The following AMZ1 variants were observed in gnomAD, a reference collection of about 807,000 sequenced individuals.
The protein encoded by AMZ1 is archaelysin family metallopeptidase 1.
In AMZ1, 39 loss-of-function variants were observed where a neutral mutation model predicts 29.9. The ratio of observed to expected loss-of-function variants is 1.30; its 90% CI spans 1.01 to 1.70. The LOEUF (loss-of-function observed/expected upper bound fraction) is 1.70, where lower values mean the gene tolerates loss of function less well. AMZ1 is among the 40% of genes most tolerant of loss of function. AMZ1 has a pLI of 0.00. For synonymous variants in AMZ1, 458 were observed against 304.0 expected (o/e 1.51, Z -5.27); for missense variants, 1,041 against 680.6 (o/e 1.53, Z -5.89).
In AMZ1 at chr7:2,719,123, C is replaced by T. The variant is rs115587359; in HGVS notation, c.*6245C>T. On this transcript the variant is annotated 3_prime_UTR_variant, in exon 7 of 7. Coordinates refer to ENST00000683327, the MANE Select transcript of AMZ1 (RefSeq NM_001384743.1). ...TCTTGGGCGCCCCCTTGTGAGGGCTCGAGGCCTTTACTGGATGGGCAGGAT... is the reference window on the plus strand; with the variant it reads ...TCTTGGGCGCCCCCTTGTGAGGGCTTGAGGCCTTTACTGGATGGGCAGGAT... Among the ~76,000 whole-genome samples, 262 of 151,886 alleles carry T rather than the reference C, an allele frequency of 1.7e-3. 3 individuals carry two copies. The highest frequency in any genetic ancestry group is 4.5e-3 in the African/African-American group (188 of 41,396).
chr7:2,762,886 C>A, upstream of AMZ1: 1 of 1,438,244 alleles, frequency 7.0e-7, no homozygotes, highest in South Asian at 1.5e-5. Context: ...CTCGTGGAGC[C>A]ATTGGTGCTG....
rs1272998012 is a variant in AMZ1 at position 2,718,088 on chromosome 7, G to T, written c.*5210G>T. Among the ~76,000 whole-genome samples the T allele has an allele frequency of 1.3e-5, 2 of 152,196 alleles. No homozygotes were observed. Among genetic ancestry groups the T allele is most frequent in the African/African-American group, 4.8e-5 (2 of 41,434 alleles). On this transcript the variant is annotated 3_prime_UTR_variant, in exon 7 of 7. Transcript: ENST00000683327. ...CTGAGAGGGGCCCGAGCTCTCGCAA[G>T]ATTAACCAGAGACGACACCTACCAG... is the stretch of plus-strand genomic sequence containing the variant.
chr7:2,723,468 C>T (rs798544), downstream of AMZ1, among the ~76,000 whole-genome samples: 38,058 of 152,188 alleles, frequency 0.25, 5,251 homozygotes, highest in Non-Finnish European at 0.29. Context: ...TACTGACCTT[C>T]TTTGAGGAGC....
At chr7:2,699,908 C>T (rs979855927) in intron 1 of AMZ1, among the ~76,000 whole-genome samples, 1 of 152,170 alleles carries the variant, frequency 6.6e-6, no homozygotes, top group Non-Finnish European at 1.5e-5. Context: ...TGTGGGGGCC[C>T]ATGGACACAT....
chr7:2,753,870 C>T (rs558993776), intron 4 of AMZ1, among the ~76,000 whole-genome samples: 4 of 152,228 alleles, frequency 2.6e-5, no homozygotes, highest in African/African-American at 9.6e-5. Context: ...TAGGAACAAT[C>T]TGTTCCTTTT....
chr7:2,751,458 G>T (rs1011573133), intron 4 of AMZ1, among the ~76,000 whole-genome samples: 1 of 150,496 alleles, frequency 6.6e-6, no homozygotes, highest in Non-Finnish European at 1.5e-5. Flanking sequence ...CTGACCAAAG[G>T]TACCACCTCA....
At chr7:2,723,915 A>G (rs999844550), downstream of AMZ1, among the ~76,000 whole-genome samples, 2 of 152,088 alleles carry the variant, frequency 1.3e-5, no homozygotes, top group African/African-American at 4.8e-5. Context: ...ACTTCTGGCC[A>G]GATTTTTTTT....
intron 4 of AMZ1, among the ~76,000 whole-genome samples, chr7:2,756,326 T>C (rs1261792061): frequency 2.0e-5 from 3 of 152,196 alleles, no homozygotes; most frequent in Non-Finnish European, 4.4e-5. Flanking sequence ...TATATAAATC[T>C]AATTCAAACT....
chr7:2,712,913 G>A lies in AMZ1; in HGVS notation c.*35G>A. 4 of 1,507,140 alleles carry A rather than the reference G, an allele frequency of 2.7e-6. No homozygotes were observed. The highest frequency in any genetic ancestry group is 3.5e-6 in the Non-Finnish European group (4 of 1,128,060). The allele number at this position is 1,507,140 out of a possible 1,614,324, so 93.4% of individuals were successfully genotyped here. On this transcript the variant is annotated 3_prime_UTR_variant, in exon 7 of 7. Transcript: ENST00000683327. ...GGCTGCCCTACGTCTCCTTCCCTAA[G>A]GATGCTGGCCAGCACTGTCCAGTAG...
chr7:2,705,855 C>T (rs147179931), intron 3 of AMZ1, among the ~76,000 whole-genome samples: 5 of 152,342 alleles, frequency 3.3e-5, no homozygotes, highest in South Asian at 2.1e-4. Context: ...CCGGGGACCC[C>T]GTGCCTCTCA....
Position 2,709,652 on chromosome 7 carries a change from G to A in AMZ1, c.784G>A (p.Glu262Lys), listed in dbSNP as rs371888865. 50 of 1,608,856 alleles carry A rather than the reference G, an allele frequency of 3.1e-5. No individual in the cohort carries two copies. In the East Asian group the frequency reaches 5.4e-4, roughly 17 times the overall value. ...MVQCCKVTCHELCHLLGLGNC... is the reference protein window; with the variant it reads ...MVQCCKVTCHKLCHLLGLGNC... ...GCCTTCCCCCCAGGTCACGTGCCAC[G>A]AGCTCTGCCACCTTCTGGGCCTGGG... Residue 262 changes from glutamate to lysine, a missense_variant, in exon 6 of 7, where the codon GAG (glutamate) becomes AAG (lysine). By Grantham distance (56) the Glu-to-Lys change is moderately conservative. Transcript: ENST00000683327.
upstream of AMZ1, among the ~76,000 whole-genome samples, chr7:2,759,980 A>G (rs1791481103): frequency 6.6e-6 from 1 of 152,254 alleles, no homozygotes; most frequent in Non-Finnish European, 1.5e-5. Context: ...GCTTTGTCAC[A>G]TGACCACAAA....
In AMZ1 at chr7:2,708,626, G is replaced by GA; in HGVS notation, c.512dup (p.Asp171GlufsTer12). On this transcript the variant is annotated frameshift_variant, in exon 4 of 7. Coordinates refer to ENST00000683327, the MANE Select transcript of AMZ1 (RefSeq NM_001384743.1). LOFTEE classifies it high-confidence loss of function. Reference sequence around the variant, plus strand: ...CTTCTTGAAGAACAACAAGCCAGGGGACGCGCTGTGTGTGCTGGGCCTCAC... The same window carrying GA: ...CTTCTTGAAGAACAACAAGCCAGGGGAACGCGCTGTGTGTGCTGGGCCTCAC... 6.2e-7 allele frequency: 1 copy of GA among 1,613,094 alleles called. No individual in the cohort carries two copies. Among genetic ancestry groups the GA allele is most frequent in the Non-Finnish European group, 8.5e-7 (1 of 1,179,990 alleles).
At chr7:2,753,556 G>A (rs1791139957) in intron 4 of AMZ1, among the ~76,000 whole-genome samples, 1 of 152,168 alleles carries the variant, frequency 6.6e-6, no homozygotes, top group Non-Finnish European at 1.5e-5. Flanking sequence ...TCCATGGTCT[G>A]AACGTGCCGC....
At chr7:2,752,311 A>G (rs1288761100) in intron 4 of AMZ1, among the ~76,000 whole-genome samples, 1 of 152,228 alleles carries the variant, frequency 6.6e-6, no homozygotes, top group East Asian at 1.9e-4. Context: ...AAGGGCATCT[A>G]TGAAAACCAT....
chr7:2,742,208 G>C (rs887861628), intron 4 of AMZ1, among the ~76,000 whole-genome samples: 4 of 151,826 alleles, frequency 2.6e-5, no homozygotes, highest in African/African-American at 9.7e-5. Context: ...TTTTACTACA[G>C]ACAGGGTTTT....
chr7:2,702,852 G>T lies in AMZ1; in HGVS notation c.435G>T (p.Arg145=). 1 of 1,584,884 alleles carries T rather than the reference G, an allele frequency of 6.3e-7. No individual in the cohort carries two copies. Residue 145 remains arginine (R), a synonymous_variant, in exon 3 of 7, where the codon CGG becomes CGT. Transcript: ENST00000683327. The part of the protein sequence containing the change: ...VAAASIRCSS[R]PSRDSDRLQL... ...CCGCGTCCATCCGCTGCTCCTCGCG[G>T]CCCAGCCGGGACTCTGACAGGCTCC...
downstream of AMZ1, among the ~76,000 whole-genome samples, chr7:2,722,926 C>T (rs1241128272): frequency 6.6e-6 from 1 of 152,052 alleles, no homozygotes; most frequent in African/African-American, 2.4e-5. Flanking sequence ...CTGCGATGAG[C>T]TATGATCACA....
intron 1 of AMZ1, among the ~76,000 whole-genome samples, chr7:2,681,825 G>T (rs376316859): frequency 1.3e-5 from 2 of 152,150 alleles, no homozygotes; most frequent in African/African-American, 4.8e-5. Context: ...CAGAGAGAGA[G>T]ACCAAGAACC....
Sources: allele counts gnomAD v4.1 joint callset (sites outside exome capture counted in the v4.1 genomes callset), GRCh38; gene constraint gnomAD v4.1.1; transcripts MANE v1.5; gene names NCBI Gene and HGNC (gene_info 2026-07-23, HGNC 2026-07-21).